The following CATSPERB variants were observed in gnomAD, a reference collection of about 807,000 sequenced individuals.
CATSPERB encodes the protein catsper channel auxiliary subunit beta.
A neutral mutation model predicts 128.3 loss-of-function variants in CATSPERB; 93 were observed. That is an observed-to-expected ratio of 0.72 (90% CI 0.61 to 0.86). The LOEUF (loss-of-function observed/expected upper bound fraction) is 0.86, where lower values mean the gene tolerates loss of function less well. Among genes scored for constraint, CATSPERB ranks in the 40% least tolerant of loss-of-function variants. CATSPERB has a pLI of 0.00. For synonymous variants in CATSPERB, 381 were observed against 448.8 expected (o/e 0.85, Z 1.91); for missense variants, 1,153 against 1,329.5 (o/e 0.87, Z 2.06).
At chr14:91,675,703 T>C (rs1373491553) in intron 11 of CATSPERB, among the ~76,000 whole-genome samples, 1 of 152,204 alleles carries the variant, frequency 6.6e-6, no homozygotes, top group Non-Finnish European at 1.5e-5. Context: ...GGCCCTTATC[T>C]ACTTGCAACT....
chr14:91,722,529 T>C (rs1896052730), intron 4 of CATSPERB, among the ~76,000 whole-genome samples: 1 of 152,170 alleles, frequency 6.6e-6, no homozygotes, highest in Non-Finnish European at 1.5e-5. Context: ...CTAATAGTTA[T>C]AGATTGTCAC....
intron 15 of CATSPERB, among the ~76,000 whole-genome samples, 170 bp downstream of exon 15, chr14:91,659,667 G>A (rs1894841341): frequency 6.6e-6 from 1 of 152,128 alleles, no homozygotes; most frequent in Non-Finnish European, 1.5e-5. Context: ...ACCTAGTGTT[G>A]CCTTTCTTTA....
Position 91,621,731 on chromosome 14 carries a change from T to C in CATSPERB, c.2137A>G (p.Ile713Val), listed in dbSNP as rs759546879. Residue 713 changes from isoleucine to valine, a missense_variant, in exon 19 of 27, where the codon ATA becomes GTA. By Grantham distance (29) the Ile-to-Val change is conservative (BLOSUM62 3). Coordinates refer to ENST00000256343, the MANE Select transcript of CATSPERB (RefSeq NM_024764.4). ...FGQRNGRTWK[I>V]YSKPCNYWFQ... ...CAATAATTACATGGTTTTGAATATA[T>C]TTTCCATGTTCGTCCATTCCTTTGC... 2.5e-6 allele frequency: 4 copies of C among 1,614,052 alleles called. No individual in the cohort carries two copies. Among genetic ancestry groups the C allele is most frequent in the Non-Finnish European group, 3.4e-6 (4 of 1,179,896 alleles).
At chr14:91,631,697 A>G (rs1438089796) in intron 17 of CATSPERB, among the ~76,000 whole-genome samples, 1 of 152,068 alleles carries the variant, frequency 6.6e-6, no homozygotes, top group East Asian at 1.9e-4. Context: ...ATAATAATAA[A>G]AAGGCCAAGA....
intron 7 of CATSPERB, among the ~76,000 whole-genome samples, chr14:91,700,153 A>G (rs900444891): frequency 6.6e-6 from 1 of 151,790 alleles, no homozygotes; most frequent in Admixed American, 6.6e-5. Flanking sequence ...TCATTGTTCA[A>G]CTTCCATTTA....
chr14:91,715,000 C>G (rs1178795454), intron 5 of CATSPERB: 1 of 153,304 alleles, frequency 6.5e-6, no homozygotes, highest in East Asian at 1.9e-4. Flanking sequence ...TGCGGCCAAC[C>G]AACACCAGGA....
At chr14:91,703,379 T>A (rs1447777299) in intron 7 of CATSPERB, among the ~76,000 whole-genome samples, 1 of 152,172 alleles carries the variant, frequency 6.6e-6, no homozygotes, top group Non-Finnish European at 1.5e-5. Flanking sequence ...GTTATAACAT[T>A]TGGTCTTTGG....
chr14:91,647,749 G>A (rs1402710542), intron 15 of CATSPERB, among the ~76,000 whole-genome samples: 1 of 152,084 alleles, frequency 6.6e-6, no homozygotes, highest in Non-Finnish European at 1.5e-5. Flanking sequence ...CCTCCTACCA[G>A]GTACCTCCCA....
intron 5 of CATSPERB, among the ~76,000 whole-genome samples, chr14:91,711,454 C>G (rs1264355186): frequency 6.6e-6 from 1 of 152,140 alleles, no homozygotes; most frequent in Non-Finnish European, 1.5e-5. Flanking sequence ...TGGTCTTGAA[C>G]TCCTGACTTC....
At chr14:91,729,842 G>C (rs374152741) in intron 1 of CATSPERB, among the ~76,000 whole-genome samples, 9 of 152,260 alleles carry the variant, frequency 5.9e-5, no homozygotes, top group Non-Finnish European at 1.0e-4. Flanking sequence ...TTTTGACAAC[G>C]TTGCTTTTGG....
intron 10 of CATSPERB, among the ~76,000 whole-genome samples, chr14:91,689,697 G>A (rs1895433972): frequency 6.6e-6 from 1 of 151,930 alleles, no homozygotes; most frequent in African/African-American, 2.4e-5. Context: ...TAGAATAGAT[G>A]GATTATTCTT....
At chr14:91,645,752 G>A (rs1244310748) in intron 15 of CATSPERB, among the ~76,000 whole-genome samples, 8 of 146,014 alleles carry the variant, frequency 5.5e-5, no homozygotes, top group African/African-American at 1.5e-4. Flanking sequence ...CGAGCTTCCC[G>A]GCTGCTTTGT....
chr14:91,724,216 G>C (rs906456672), intron 3 of CATSPERB, among the ~76,000 whole-genome samples: 2 of 152,020 alleles, frequency 1.3e-5, no homozygotes, highest in African/African-American at 4.8e-5. Context: ...TTTAGAAGAA[G>C]AACTGAGGGT....
At chr14:91,679,191 G>T (rs1260145000) in intron 11 of CATSPERB, among the ~76,000 whole-genome samples, 1 of 152,094 alleles carries the variant, frequency 6.6e-6, no homozygotes, top group Non-Finnish European at 1.5e-5. Flanking sequence ...TATAAAACTT[G>T]TAGAATTATT....
In CATSPERB at chr14:91,608,154, G is replaced by C. The variant is rs564336283; in HGVS notation, c.2709+140C>G. The C allele has an allele frequency of 4.0e-5, 23 of 570,750 alleles. No homozygotes were observed. The African/African-American group carries it at 4.3e-4, about 11-fold the overall frequency. The allele number at this position is 570,750 out of a possible 1,614,324, so 35.4% of individuals were successfully genotyped here. On this transcript the variant is annotated intron_variant, in intron 22 of 26. Coordinates refer to ENST00000256343, the MANE Select transcript of CATSPERB (RefSeq NM_024764.4). The stretch of plus-strand genomic sequence containing the variant: ...AGCTGTAAGAGGAGGGGCTAAAGTA[G>C]AAGGAGGAGGAACAGAGTAGCAATC...
At position 91,691,384 on chromosome 14, in the gene CATSPERB, A is replaced by AT. The variant is rs1464798952; in HGVS notation, c.864+138_864+139insA. The AT allele has an allele frequency of 7.0e-5, 28 of 397,994 alleles. No individual in the cohort carries two copies. In the East Asian group the frequency reaches 1.1e-3, roughly 15 times the overall value. The allele number at this position is 397,994 out of a possible 1,614,324, so 24.7% of individuals were successfully genotyped here. A position where few individuals can be genotyped will look rare whatever the true frequency, so the allele number is the denominator to read the frequency against. On this transcript the variant is annotated intron_variant, in intron 10 of 26. Coordinates refer to ENST00000256343, the MANE Select transcript of CATSPERB (RefSeq NM_024764.4). The stretch of plus-strand genomic sequence containing the variant: ...TGCTACAAATTCATATATATAAAAA[A>AT]ATATATATTTTGTTTAAACTATAAA...
At chr14:91,624,730 G>T in intron 18 of CATSPERB, 90 bp downstream of exon 18, 1 of 916,250 alleles carries the variant, frequency 1.1e-6, no homozygotes, top group Non-Finnish European at 1.6e-6. Context: ...GAAATCTATT[G>T]CTCTATAAAT....
Position 91,624,748 on chromosome 14 carries a change from A to T in CATSPERB, c.1930+72T>A, listed in dbSNP as rs1219010321. 4.3e-6 allele frequency: 5 copies of T among 1,158,554 alleles called. No individual in the cohort carries two copies. In the East Asian group the frequency reaches 1.3e-4, roughly 30 times the overall value. The allele number at this position is 1,158,554 out of a possible 1,614,324, so 71.8% of individuals were successfully genotyped here. A position where few individuals can be genotyped will look rare whatever the true frequency, so the allele number is the denominator to read the frequency against. ...ATCTATTGCTCTATAAATAAGCATT[A>T]AAATGCCTTCACAAAAGATAATTTT... On this transcript the variant is annotated intron_variant, in intron 18 of 26. Coordinates refer to ENST00000256343, the MANE Select transcript of CATSPERB (RefSeq NM_024764.4).
At chr14:91,664,104 C>T (rs1242635906) in intron 14 of CATSPERB, among the ~76,000 whole-genome samples, 1 of 152,112 alleles carries the variant, frequency 6.6e-6, no homozygotes, top group East Asian at 1.9e-4. Flanking sequence ...GCCTATTCAA[C>T]CTCTCTGCCC....
Sources: gnomAD v4.1 joint callset for allele counts (sites outside exome capture counted in the v4.1 genomes callset) on GRCh38, gnomAD v4.1.1 for gene constraint, MANE v1.5 for transcripts, NCBI Gene and HGNC (gene_info 2026-07-23, HGNC 2026-07-21) for gene names.